Variants in MINDY3 observed in about 807,000 individuals in gnomAD.
The protein encoded by MINDY3 is MINDY lysine 48 deubiquitinase 3, also known as ubiquitin carboxyl-terminal hydrolase MINDY-3.
Under a neutral mutation model 69.2 loss-of-function variants are expected in MINDY3, and 38 were observed. The observed-to-expected ratio is 0.55, with a 90% CI of 0.42 to 0.72. The LOEUF (loss-of-function observed/expected upper bound fraction) is 0.72, where lower values mean the gene tolerates loss of function less well. MINDY3 is among the 30% of genes least tolerant of loss of function. The pLI is 0.00. For synonymous variants in MINDY3, 192 were observed against 180.1 expected (o/e 1.07, Z -0.53); for missense variants, 522 against 519.0 (o/e 1.01, Z -0.06).
At position 15,788,074 on chromosome 10, in the gene MINDY3, GA is replaced by G. The variant is rs375568228; in HGVS notation, c.1028+1172del. 1.3e-3 allele frequency among the ~76,000 whole-genome samples: 182 copies of G among 145,144 alleles called. 2 individuals are homozygous for G. In the South Asian group the frequency reaches 0.018, roughly 14 times the overall value. On this transcript the variant is annotated intron_variant, in intron 12 of 14. Transcript: ENST00000277632. ...TGATATATAGCTATGGAAGAATTTG[GA>G]AAAAAAAAAACTTTCTTCTTTCTCT...
intron 10 of MINDY3, among the ~76,000 whole-genome samples, chr10:15,808,211 A>G (rs1838763635): frequency 6.6e-6 from 1 of 152,170 alleles, no homozygotes; most frequent in Non-Finnish European, 1.5e-5. Flanking sequence ...TTATGATTAA[A>G]CTACAAGAAC....
intron 14 of MINDY3, among the ~76,000 whole-genome samples, chr10:15,779,553 C>G (rs969106251): frequency 6.6e-6 from 1 of 152,106 alleles, no homozygotes; most frequent in Non-Finnish European, 1.5e-5. Context: ...AAACGGAGAG[C>G]TATAAAAGGA....
At chr10:15,820,376 G>A (rs1839674638) in intron 9 of MINDY3, among the ~76,000 whole-genome samples, 2 of 152,114 alleles carry the variant, frequency 1.3e-5, no homozygotes, top group African/African-American at 4.8e-5. Context: ...GGATACACAG[G>A]AAATATTTCC....
chr10:15,858,796 T>C (rs187175093), intron 1 of MINDY3, among the ~76,000 whole-genome samples: 44 of 152,318 alleles, frequency 2.9e-4, no homozygotes, highest in East Asian at 9.6e-4. Context: ...CTGATTACAA[T>C]GGAAGTAAAT....
At chr10:15,785,902 A>G (rs1478071846) in intron 13 of MINDY3, among the ~76,000 whole-genome samples, 1 of 152,220 alleles carries the variant, frequency 6.6e-6, no homozygotes, top group Non-Finnish European at 1.5e-5. Context: ...AACTATACTG[A>G]TATCTGATAA....
At chr10:15,833,553 T>C (rs565190843) in intron 8 of MINDY3, 77 bp downstream of exon 8, 25 of 953,436 alleles carry the variant, frequency 2.6e-5, no homozygotes, top group African/African-American at 9.8e-5. Flanking sequence ...AGCCATTAAA[T>C]AGACGAATAA....
intron 3 of MINDY3, 79 bp from the exon 4 acceptor site, chr10:15,841,678 A>C (rs1319097015): frequency 3.7e-6 from 3 of 816,780 alleles, no homozygotes; most frequent in Non-Finnish European, 5.6e-6. Flanking sequence ...AATAGTAAGA[A>C]TGGGTTAATG....
intron 13 of MINDY3, among the ~76,000 whole-genome samples, chr10:15,784,058 A>G (rs115312086): frequency 0.017 from 2,530 of 152,224 alleles, 80 homozygotes; most frequent in African/African-American, 0.058. Context: ...CTAATCTTCA[A>G]TTTCCTCATT....
intron 8 of MINDY3, among the ~76,000 whole-genome samples, chr10:15,827,898 CTAAG>C (rs1251208932): frequency 6.6e-6 from 1 of 152,184 alleles, no homozygotes; most frequent in Non-Finnish European, 1.5e-5. Context: ...ATGGACAATT[CTAAG>C]TGTCAGGCAG....
Position 15,860,427 on chromosome 10 carries a change from A to C in MINDY3, c.-128T>G. 1 of 736,892 alleles carries C rather than the reference A, an allele frequency of 1.4e-6. No individual in the cohort carries two copies. Among genetic ancestry groups the C allele is most frequent in the Admixed American group, 2.2e-5 (1 of 45,194 alleles). The allele number at this position is 736,892 out of a possible 1,614,324, so 45.6% of individuals were successfully genotyped here. A position where few individuals can be genotyped will look rare whatever the true frequency, so the allele number is the denominator to read the frequency against. On this transcript the variant is annotated 5_prime_UTR_variant, in exon 1 of 15. Transcript: ENST00000277632. ...CGAATTGGAAGGTGAGGCAGGAAAG[A>C]AGAAGGGGCTGAGAGCCACTTGCAG... is the stretch of plus-strand genomic sequence containing the variant.
At chr10:15,846,522 T>C (rs1833854989) in intron 2 of MINDY3, among the ~76,000 whole-genome samples, 3 of 152,100 alleles carry the variant, frequency 2.0e-5, no homozygotes, top group African/African-American at 7.2e-5. Context: ...ATTCAAATTT[T>C]TCCTCATTTT....
chr10:15,816,282 G>GAAAAAAAAAAAAAAAAAAA (rs1421619763), intron 10 of MINDY3, among the ~76,000 whole-genome samples: 7 of 108,464 alleles, frequency 6.5e-5, no homozygotes, highest in African/African-American at 3.1e-4. Context: ...AAAAAAAAAT[G>GAAAAAAAAAAAAAAAAAAA]AAAAAGAAAA....
chr10:15,811,228 G>A (rs973719423), intron 10 of MINDY3, among the ~76,000 whole-genome samples: 1 of 152,002 alleles, frequency 6.6e-6, no homozygotes, highest in South Asian at 2.1e-4. Flanking sequence ...CAATAAAACC[G>A]AAGTTGAAAT....
intron 8 of MINDY3, among the ~76,000 whole-genome samples, chr10:15,825,053 AT>A (rs1468767892): frequency 6.6e-6 from 1 of 152,278 alleles, no homozygotes; most frequent in African/African-American, 2.4e-5. Context: ...TATAGAATTT[AT>A]TTGTAGGAGA....
chr10:15,830,317 G>C (rs920048079), intron 8 of MINDY3, among the ~76,000 whole-genome samples: 4 of 152,170 alleles, frequency 2.6e-5, no homozygotes, highest in South Asian at 2.1e-4. Context: ...TCAAGGACTT[G>C]ATGAATATCT....
At chr10:15,808,373 G>A (rs1356819024) in intron 10 of MINDY3, among the ~76,000 whole-genome samples, 1 of 152,156 alleles carries the variant, frequency 6.6e-6, no homozygotes, top group African/African-American at 2.4e-5. Context: ...TTTCTTGGAA[G>A]AGTAAACGTA....
At chr10:15,789,845 T>A (rs1837278885) in intron 11 of MINDY3, among the ~76,000 whole-genome samples, 5 of 151,778 alleles carry the variant, frequency 3.3e-5, no homozygotes, top group Admixed American at 3.3e-4. Context: ...GCTGTAGGTT[T>A]AAAAAAAACA....
intron 13 of MINDY3, among the ~76,000 whole-genome samples, chr10:15,785,694 T>C (rs1836901943): frequency 6.6e-6 from 1 of 152,198 alleles, no homozygotes; most frequent in Non-Finnish European, 1.5e-5. Context: ...TCAGTTACTT[T>C]TTGAATCTTA....
At chr10:15,807,365 C>T (rs77209351) in intron 10 of MINDY3, among the ~76,000 whole-genome samples, 1,604 of 152,206 alleles carry the variant, frequency 0.011, 13 homozygotes, top group Middle Eastern at 0.02. Flanking sequence ...GGACACAATA[C>T]GAATGGTGGA....
Sources: allele counts gnomAD v4.1 joint callset (sites outside exome capture counted in the v4.1 genomes callset), GRCh38; gene constraint gnomAD v4.1.1; transcripts MANE v1.5; gene names NCBI Gene and HGNC (gene_info 2026-07-23, HGNC 2026-07-21).